The following FKTN variants were observed in gnomAD, a reference collection of about 807,000 sequenced individuals.
FKTN encodes the protein fukutin.
FKTN carries 47 observed loss-of-function variants against 58.6 expected under a neutral mutation model. The observed-to-expected ratio is 0.80, with a 90% CI of 0.63 to 1.02. The LOEUF (loss-of-function observed/expected upper bound fraction) is 1.02, where lower values mean the gene tolerates loss of function less well. Among genes scored for constraint, FKTN ranks in the 50% least tolerant of loss-of-function variants. The pLI, the probability that FKTN is intolerant of heterozygous loss-of-function variation, is 0.00. For missense variants in FKTN, 516 were observed against 537.3 expected (o/e 0.96, Z 0.39); for synonymous variants, 178 against 191.9 (o/e 0.93, Z 0.60).
intron 7 of FKTN, among the ~76,000 whole-genome samples, chr9:105,609,339 A>G (rs967169093): frequency 2.6e-5 from 4 of 152,146 alleles, no homozygotes; most frequent in Non-Finnish European, 4.4e-5. Context: ...TACAGTACCG[A>G]TAACTTTTTT....
chr9:105,604,344 G>A lies in FKTN; in HGVS notation c.499G>A (p.Ala167Thr), dbSNP rs2132796265. Residue 167 changes from alanine to threonine, a missense_variant, in exon 6 of 11, where the codon GCC becomes ACC. By Grantham distance (58) the Ala-to-Thr change is moderately conservative. Coordinates refer to ENST00000357998, the MANE Select transcript of FKTN (RefSeq NM_001079802.2). ...CCCCCTGCACTATATCTGCAAACTGGCCACTCATGCGATCCACTTGGTAGT... is the reference window on the plus strand; with the variant it reads ...CCCCCTGCACTATATCTGCAAACTGACCACTCATGCGATCCACTTGGTAGT... The part of the protein sequence containing the change: ...EIPLHYICKL[A>T]THAIHLVVFH... 1 of 1,614,106 alleles carries A rather than the reference G, an allele frequency of 6.2e-7. No individual in the cohort carries two copies. The highest frequency in any genetic ancestry group is 8.5e-7 in the Non-Finnish European group (1 of 1,180,002).
At chr9:105,622,854 G>C (rs1832203723) in intron 10 of FKTN, among the ~76,000 whole-genome samples, 1 of 151,996 alleles carries the variant, frequency 6.6e-6, no homozygotes, top group Non-Finnish European at 1.5e-5. Flanking sequence ...ACTGGCATAA[G>C]GTATGGTACT....
chr9:105,617,518 G>C (rs1193367451), intron 8 of FKTN, among the ~76,000 whole-genome samples: 1 of 152,100 alleles, frequency 6.6e-6, no homozygotes, highest in African/African-American at 2.4e-5. Context: ...TATCACTAGA[G>C]ATTAATGATT....
At position 105,604,320 on chromosome 9, in the gene FKTN, C is replaced by T. The variant is rs755830677; in HGVS notation, c.475C>T (p.Pro159Ser). Residue 159 changes from proline (P) to serine (S), a missense_variant, in exon 6 of 11, where the codon CCC (proline) becomes TCC (serine). Pro to Ser is a moderately conservative substitution (Grantham distance 74). Coordinates refer to ENST00000357998, the MANE Select transcript of FKTN (RefSeq NM_001079802.2). ...AGACTCACTCTCTGGAACTGAAATC[C>T]CCCTGCACTATATCTGCAAACTGGC... ...GIDSLSGTEI[P>S]LHYICKLATH... 2 of 1,613,922 alleles carry T rather than the reference C, an allele frequency of 1.2e-6. No homozygotes were observed. The highest frequency in any genetic ancestry group is 1.3e-5 in the African/African-American group (1 of 74,888).
At chr9:105,566,240 C>G (rs1050878750) in intron 1 of FKTN, among the ~76,000 whole-genome samples, 1 of 152,134 alleles carries the variant, frequency 6.6e-6, no homozygotes, top group Non-Finnish European at 1.5e-5. Flanking sequence ...ATTAAAAGAA[C>G]TAGAGAAGCA....
intron 7 of FKTN, among the ~76,000 whole-genome samples, chr9:105,613,774 G>T (rs1028424458): frequency 6.6e-6 from 1 of 152,150 alleles, no homozygotes; most frequent in Non-Finnish European, 1.5e-5. Flanking sequence ...TAAGGAAAAA[G>T]ATAATTCATT....
chr9:105,558,948 G>C (rs554138762), intron 1 of FKTN, among the ~76,000 whole-genome samples: 5 of 152,310 alleles, frequency 3.3e-5, no homozygotes, highest in African/African-American at 9.6e-5. Flanking sequence ...AGAGGATTTG[G>C]GAAGGCTGGC....
intron 6 of FKTN, among the ~76,000 whole-genome samples, chr9:105,605,533 C>T (rs1361326467): frequency 1.3e-5 from 2 of 152,074 alleles, no homozygotes; most frequent in African/African-American, 4.8e-5. Flanking sequence ...GTGGTACATA[C>T]ACACAATGGA....
intron 1 of FKTN, among the ~76,000 whole-genome samples, chr9:105,569,994 TA>T (rs1320569904): frequency 1.3e-5 from 2 of 152,182 alleles, no homozygotes; most frequent in Non-Finnish European, 2.9e-5. Context: ...ATGTAACATA[TA>T]AAAAGAAGTG....
At chr9:105,574,908 G>A in intron 2 of FKTN, 37 bp from the exon 3 acceptor site, 1 of 691,358 alleles carries the variant, frequency 1.4e-6, no homozygotes, top group Admixed American at 2.2e-5. Flanking sequence ...AATTAAAGAG[G>A]TTTTTGTTTC....
chr9:105,598,715 T>C (rs538651599), intron 4 of FKTN: 1 of 152,226 alleles, frequency 6.6e-6, no homozygotes, highest in South Asian at 2.1e-4. Flanking sequence ...AGTTATAGAA[T>C]CTCTGCTTGA....
At chr9:105,610,772 C>T (rs1459483397) in intron 7 of FKTN, among the ~76,000 whole-genome samples, 1 of 151,984 alleles carries the variant, frequency 6.6e-6, no homozygotes, top group Non-Finnish European at 1.5e-5. Context: ...TCTGATACCC[C>T]GTATCAGGCA....
chr9:105,591,189 C>G (rs991715235), intron 3 of FKTN, among the ~76,000 whole-genome samples: 8 of 152,150 alleles, frequency 5.3e-5, no homozygotes, highest in Non-Finnish European at 8.8e-5. Flanking sequence ...CCCCTGGCCC[C>G]TCACACCTCA....
intron 1 of FKTN, among the ~76,000 whole-genome samples, chr9:105,559,937 C>T (rs2131621107): frequency 6.6e-6 from 1 of 151,976 alleles, no homozygotes; most frequent in Non-Finnish European, 1.5e-5. Context: ...GAGCTAAGAG[C>T]AAGGAAGGAG....
At chr9:105,629,189 C>T (rs932691326) in intron 10 of FKTN, among the ~76,000 whole-genome samples, 2 of 151,512 alleles carry the variant, frequency 1.3e-5, no homozygotes, top group African/African-American at 4.9e-5. Context: ...TAGGGAGACC[C>T]CATGTCTACA....
chr9:105,581,144 T>A (rs1225764408), intron 3 of FKTN, among the ~76,000 whole-genome samples: 2 of 149,694 alleles, frequency 1.3e-5, no homozygotes, highest in East Asian at 2.0e-4. Context: ...AATTTGATCG[T>A]CTGAAGCCTT....
Position 105,587,575 on chromosome 9 carries a change from T to A in FKTN, c.106-9023T>A, listed in dbSNP as rs183623273. ...ATAGGTCATTTCTGGAGGAAGAATA[T>A]TATATTTGATAGCTTGATCCAATGT... On this transcript the variant is annotated intron_variant, in intron 3 of 10. Coordinates refer to ENST00000357998, the MANE Select transcript of FKTN (RefSeq NM_001079802.2). Among the ~76,000 whole-genome samples the A allele has an allele frequency of 4.4e-3, 663 of 152,334 alleles. 5 individuals are homozygous for A. Among genetic ancestry groups the A allele is most frequent in the Non-Finnish European group, 7.4e-3 (502 of 68,020 alleles).
In FKTN at chr9:105,638,610, C is replaced by A; in HGVS notation, c.*3346C>A. The A allele has an allele frequency of 1.0e-6, 1 of 985,216 alleles. No individual in the cohort carries two copies. Among genetic ancestry groups the A allele is most frequent in the Middle Eastern group, 5.2e-4 (1 of 1,914 alleles). 61.0% of individuals were successfully genotyped at this position (985,216 alleles called of 1,614,324 possible). A position where few individuals can be genotyped will look rare whatever the true frequency, so the allele number is the denominator to read the frequency against. On this transcript the variant is annotated 3_prime_UTR_variant, in exon 11 of 11. Transcript: ENST00000357998. ...ATGAGGCTCTTTCCTTCCTAAGGGA[C>A]CTTTCCCTGGTAGTAGTGGTCTCAT...
chr9:105,638,459 C>A lies in FKTN; in HGVS notation c.*3195C>A, dbSNP rs1456464531. 1 of 985,258 alleles carries A rather than the reference C, an allele frequency of 1.0e-6. No homozygotes were observed. The highest frequency in any genetic ancestry group is 1.2e-6 in the Non-Finnish European group (1 of 829,930). The allele number at this position is 985,258 out of a possible 1,614,324, so 61.0% of individuals were successfully genotyped here. A position where few individuals can be genotyped will look rare whatever the true frequency, so the allele number is the denominator to read the frequency against. ...CATCTGGAGACATCAGCCTTTGGTA[C>A]CTAATTCTCTAAGCTCAAGATGCAT... On this transcript the variant is annotated 3_prime_UTR_variant, in exon 11 of 11. Transcript: ENST00000357998.
Sources: allele counts gnomAD v4.1 joint callset (sites outside exome capture counted in the v4.1 genomes callset), GRCh38; gene constraint gnomAD v4.1.1; transcripts MANE v1.5; gene names NCBI Gene and HGNC (gene_info 2026-07-23, HGNC 2026-07-21).